Variants in AVEN observed in about 807,000 individuals in gnomAD.
AVEN encodes apoptosis and caspase activation inhibitor.
AVEN carries 41 observed loss-of-function variants against 38.1 expected under a neutral mutation model. That is an observed-to-expected ratio of 1.08 (90% CI 0.84 to 1.40). The LOEUF (loss-of-function observed/expected upper bound fraction) is 1.40. Ranked by LOEUF, AVEN falls within the 40% of genes most tolerant of loss-of-function variation. AVEN has a pLI of 0.00. For synonymous variants in AVEN, 206 were observed against 171.8 expected, an observed-to-expected ratio of 1.20 and a Z score of -1.56; for missense variants, 605 against 438.8, an observed-to-expected ratio of 1.38 and a Z score of -3.38.
At chr15:33,853,756 C>G in the AVEN span, 6 of 1,542,880 alleles carry the variant, frequency 3.9e-6, no homozygotes, top group South Asian at 2.5e-5. Flanking sequence ...AGGAAAAAAT[C>G]ACAACCGTGT....
intron 2 of AVEN, among the ~76,000 whole-genome samples, chr15:33,890,163 C>T (rs1015434589): frequency 1.3e-5 from 2 of 152,156 alleles, no homozygotes; most frequent in African/African-American, 4.8e-5. Flanking sequence ...GGATAATACA[C>T]ATTATATGTT....
chr15:33,956,135 G>A (rs138636883), intron 2 of AVEN, among the ~76,000 whole-genome samples: 135 of 152,258 alleles, frequency 8.9e-4, no homozygotes, highest in African/African-American at 2.9e-3. Flanking sequence ...TAGTTATTGC[G>A]TGTAGCTATC....
intron 3 of AVEN, 27 bp downstream of exon 3, chr15:33,875,898 C>T (rs867197650): frequency 6.3e-7 from 1 of 1,597,708 alleles, no homozygotes. Flanking sequence ...AAGAGCCAGT[C>T]CACACTTAAC....
downstream of AVEN, among the ~76,000 whole-genome samples, chr15:33,862,704 G>T (rs528098424): frequency 1.3e-5 from 2 of 150,900 alleles, no homozygotes; most frequent in Admixed American, 1.3e-4. Context: ...TCCACCTCCT[G>T]GATTCAAGTG....
At chr15:33,934,048 T>G (rs1205203366) in intron 2 of AVEN, among the ~76,000 whole-genome samples, 2 of 152,196 alleles carry the variant, frequency 1.3e-5, no homozygotes, top group Non-Finnish European at 2.9e-5. Flanking sequence ...AGGCTCAATC[T>G]ATTATATACT....
intron 5 of AVEN, among the ~76,000 whole-genome samples, chr15:34,059,553 TCTC>T (rs1301304518): frequency 2.0e-5 from 3 of 152,118 alleles, no homozygotes; most frequent in Non-Finnish European, 4.4e-5. Context: ...TGTCCCTCCT[TCTC>T]CTGCCAGCCT....
chr15:33,869,804 T>A (rs938110922), intron 4 of AVEN, among the ~76,000 whole-genome samples: 2 of 151,376 alleles, frequency 1.3e-5, no homozygotes, highest in South Asian at 4.2e-4. Context: ...CTACTTAAAA[T>A]CAGTACGTCC....
At chr15:34,030,369 G>T (rs547711498) in intron 1 of AVEN, among the ~76,000 whole-genome samples, 1 of 152,186 alleles carries the variant, frequency 6.6e-6, no homozygotes, top group South Asian at 2.1e-4. Context: ...TGTTTGAGAC[G>T]GAGTCTTGCT....
chr15:34,051,768 A>C (rs1401951805), intron 5 of AVEN, among the ~76,000 whole-genome samples: 1 of 151,948 alleles, frequency 6.6e-6, no homozygotes, highest in Non-Finnish European at 1.5e-5. Flanking sequence ...GAACACATAC[A>C]CCCTCCCAAG....
At chr15:34,048,422 C>T (rs567868074) in intron 5 of AVEN, among the ~76,000 whole-genome samples, 43 of 150,674 alleles carry the variant, frequency 2.9e-4, no homozygotes, top group Non-Finnish European at 4.7e-4. Context: ...AGCACAGCTG[C>T]TTTGCCAGAT....
At chr15:33,958,806 C>T (rs1895059784) in intron 2 of AVEN, among the ~76,000 whole-genome samples, 1 of 152,056 alleles carries the variant, frequency 6.6e-6, no homozygotes, top group Non-Finnish European at 1.5e-5. Context: ...TCTCATTTTC[C>T]AATTCATCCT....
intron 5 of AVEN, among the ~76,000 whole-genome samples, chr15:34,059,885 C>T (rs188555008): frequency 3.3e-5 from 5 of 152,320 alleles, no homozygotes; most frequent in Admixed American, 3.3e-4. Context: ...ACATTCCCAA[C>T]TAGTGTCTAA....
downstream of AVEN, chr15:33,865,109 C>G (rs762707943): frequency 6.3e-7 from 1 of 1,578,214 alleles, no homozygotes; most frequent in Non-Finnish European, 8.7e-7. Flanking sequence ...AAAATAAGCA[C>G]CCGTTGTTCA....
intron 2 of AVEN, among the ~76,000 whole-genome samples, chr15:33,953,364 C>T (rs887824683): frequency 6.6e-6 from 1 of 152,126 alleles, no homozygotes; most frequent in Non-Finnish European, 1.5e-5. Context: ...AAGCTGGAGG[C>T]ATCACGCTAC....
downstream of AVEN, among the ~76,000 whole-genome samples, chr15:33,864,538 A>AATATGAAATAAGAAATTGTCT (rs1430871219): frequency 6.6e-6 from 1 of 152,220 alleles, no homozygotes; most frequent in Non-Finnish European, 1.5e-5. Flanking sequence ...AGTGAGAGAC[A>AATATGAAATAAGAAATTGTCT]GGCTAAGAAA....
intron 1 of AVEN, among the ~76,000 whole-genome samples, chr15:34,026,297 T>C (rs1356342037): frequency 6.6e-6 from 1 of 152,236 alleles, no homozygotes; most frequent in Non-Finnish European, 1.5e-5. Context: ...GGCACTTTTA[T>C]TTTCTTCTTG....
chr15:33,931,006 G>C (rs1192565481), intron 2 of AVEN, among the ~76,000 whole-genome samples: 1 of 150,992 alleles, frequency 6.6e-6, no homozygotes, highest in Non-Finnish European at 1.5e-5. Context: ...TGACTGCAGG[G>C]TAACAATGAT....
At chr15:34,025,757 C>CGTGT (rs150188349) in intron 1 of AVEN, among the ~76,000 whole-genome samples, 3 of 132,940 alleles carry the variant, frequency 2.3e-5, no homozygotes, top group Non-Finnish European at 3.5e-5. Flanking sequence ...TTTGGTTTTG[C>CGTGT]GTGTGTGTGT....
chr15:33,916,490 G>GA (rs200227726), intron 2 of AVEN, among the ~76,000 whole-genome samples: 1,598 of 151,506 alleles, frequency 0.011, 22 homozygotes, highest in African/African-American at 0.029. Flanking sequence ...AAATCAGCAG[G>GA]AAAAAAAACA....
Sources: gnomAD v4.1 joint callset for allele counts (sites outside exome capture counted in the v4.1 genomes callset) on GRCh38, gnomAD v4.1.1 for gene constraint, MANE v1.5 for transcripts, NCBI Gene and HGNC (gene_info 2026-07-23, HGNC 2026-07-21) for gene names.